PRKG1: variants seen among roughly 807,000 people sequenced by gnomAD.
The protein encoded by PRKG1 is protein kinase cGMP-dependent 1, also known as cGMP-dependent protein kinase 1.
Under a neutral mutation model 88.1 loss-of-function variants are expected in PRKG1, and 35 were observed. That is an observed-to-expected ratio of 0.40 (90% CI 0.30 to 0.53). The LOEUF (loss-of-function observed/expected upper bound fraction) is 0.53. Among genes scored for constraint, PRKG1 ranks in the 20% least tolerant of loss-of-function variants. The probability of loss-of-function intolerance (pLI) is 0.59; values close to 1 mark genes in which losing one functional copy is unlikely to be tolerated. For missense variants in PRKG1, 540 were observed against 839.8 expected (o/e 0.64, Z 4.41); for synonymous variants, 303 against 292.5 (o/e 1.04, Z -0.37).
At chr10:52,105,617 C>G (rs1193831548) in intron 7 of PRKG1, among the ~76,000 whole-genome samples, 3 of 151,354 alleles carry the variant, frequency 2.0e-5, no homozygotes, top group Non-Finnish European at 4.4e-5. Flanking sequence ...AAGTTAATAC[C>G]TTTTTAGTTT....
At chr10:51,848,203 A>C (rs901215696) in intron 4 of PRKG1, among the ~76,000 whole-genome samples, 9 of 152,188 alleles carry the variant, frequency 5.9e-5, no homozygotes, top group Admixed American at 5.9e-4. Context: ...TGCAAGTTGG[A>C]TATTTTTATT....
chr10:51,935,935 A>T (rs1026900668), intron 5 of PRKG1, among the ~76,000 whole-genome samples: 9 of 152,068 alleles, frequency 5.9e-5, no homozygotes, highest in African/African-American at 2.2e-4. Context: ...ATTTCTGAAG[A>T]CAGCCTTATG....
At chr10:51,845,349 G>A (rs1457909641) in intron 4 of PRKG1, among the ~76,000 whole-genome samples, 1 of 151,926 alleles carries the variant, frequency 6.6e-6, no homozygotes, top group Non-Finnish European at 1.5e-5. Context: ...TTACTCTATT[G>A]AAAAGTCTCT....
At chr10:51,011,862 T>C (rs938431252) in intron 1 of PRKG1, among the ~76,000 whole-genome samples, 5 of 152,156 alleles carry the variant, frequency 3.3e-5, no homozygotes, top group Non-Finnish European at 5.9e-5. Flanking sequence ...TTGGGTAACT[T>C]ATAAGAAAAA....
At chr10:51,650,014 C>T (rs1466200506) in intron 3 of PRKG1, among the ~76,000 whole-genome samples, 3 of 152,120 alleles carry the variant, frequency 2.0e-5, no homozygotes, top group Non-Finnish European at 4.4e-5. Flanking sequence ...GGTGCCGGCC[C>T]GAGAGTCACC....
At chr10:51,046,967 G>A (rs896835972) in intron 1 of PRKG1, among the ~76,000 whole-genome samples, 3 of 152,188 alleles carry the variant, frequency 2.0e-5, no homozygotes, top group East Asian at 1.9e-4. Context: ...GAACACAACC[G>A]GAAATATCCA....
chr10:51,616,671 G>A (rs1839064289), intron 3 of PRKG1, among the ~76,000 whole-genome samples: 1 of 152,150 alleles, frequency 6.6e-6, no homozygotes, highest in Non-Finnish European at 1.5e-5. Flanking sequence ...TCAGGCCTCT[G>A]GGTGGTGTGT....
chr10:51,045,486 C>G (rs544877242), intron 1 of PRKG1, among the ~76,000 whole-genome samples: 2 of 152,198 alleles, frequency 1.3e-5, no homozygotes, highest in South Asian at 2.1e-4. Context: ...CCACACCCAG[C>G]TAATTCTTTT....
intron 9 of PRKG1, among the ~76,000 whole-genome samples, chr10:52,188,225 CATATGTATATATAT>C: frequency 4.8e-5 from 1 of 20,964 alleles, no homozygotes; most frequent in South Asian, 2.1e-3. Flanking sequence ...TATATATATA[CATATGTATATATAT>C]ACATATATAT....
chr10:51,981,521 G>T (rs1030615752), intron 5 of PRKG1, among the ~76,000 whole-genome samples: 1 of 152,098 alleles, frequency 6.6e-6, no homozygotes, highest in Non-Finnish European at 1.5e-5. Context: ...GGGAGGCATA[G>T]GTTGGAGTTA....
rs545652534 is a variant in PRKG1, at chr10:51,502,613, A to G, written c.592+34777A>G. 1.1e-3 allele frequency among the ~76,000 whole-genome samples: 173 copies of G among 152,300 alleles called. 1 individual carries two copies. Among genetic ancestry groups the G allele is most frequent in the African/African-American group, 3.8e-3 (156 of 41,582 alleles). ...AGTGGTGTAACCTTGGGTGAAACAT[A>G]TAAGCACTCTGAGCTTTAATTCCTT... On this transcript the variant is annotated intron_variant, in intron 3 of 17. Transcript: ENST00000373980.
intron 8 of PRKG1, among the ~76,000 whole-genome samples, chr10:52,137,335 C>T (rs577396090): frequency 5.3e-5 from 8 of 152,002 alleles, no homozygotes; most frequent in Admixed American, 2.0e-4. Context: ...TAAGTACCTG[C>T]AGTGATGTCA....
At chr10:51,558,641 C>T (rs1837375751) in intron 3 of PRKG1, among the ~76,000 whole-genome samples, 1 of 151,970 alleles carries the variant, frequency 6.6e-6, no homozygotes, top group South Asian at 2.1e-4. Flanking sequence ...TAAAAATACT[C>T]AGTGATAAAT....
chr10:51,370,790 GT>G (rs998629658), intron 2 of PRKG1, among the ~76,000 whole-genome samples: 3 of 151,688 alleles, frequency 2.0e-5, no homozygotes, highest in African/African-American at 4.8e-5. Context: ...TTTACATGAG[GT>G]TTTTTTTCAC....
In PRKG1 at chr10:52,272,471, C is replaced by T. The variant is rs1841755745; in HGVS notation, c.1393C>T (p.Leu465Phe). ...TCTAGGTGGAGAGCTCTGGACCATT[C>T]TCAGGGATAGGTAGGAGATTTAAGA... Reference protein sequence around the residue: ...ACLGGELWTILRDRGSFEDST... With the variant: ...ACLGGELWTIFRDRGSFEDST... Residue 465 changes from leucine to phenylalanine, a missense_variant, in exon 12 of 18, where the codon CTC (leucine) becomes TTC (phenylalanine). Physicochemically the swap from Leu to Phe is conservative, Grantham distance 22 (BLOSUM62 0). Transcript: ENST00000373980. The T allele has an allele frequency of 6.2e-7, 1 of 1,604,542 alleles. No individual in the cohort carries two copies. Among genetic ancestry groups the T allele is most frequent in the Middle Eastern group, 1.7e-4 (1 of 6,034 alleles).
chr10:51,026,777 G>A (rs929903357), intron 1 of PRKG1, among the ~76,000 whole-genome samples: 1 of 152,136 alleles, frequency 6.6e-6, no homozygotes, highest in African/African-American at 2.4e-5. Flanking sequence ...TAGGGTGGAG[G>A]AAAAGGCAGA....
chr10:51,145,982 C>G (rs891181286), intron 1 of PRKG1, among the ~76,000 whole-genome samples: 4 of 152,094 alleles, frequency 2.6e-5, no homozygotes, highest in Admixed American at 2.6e-4. Context: ...TCCTGGCTAA[C>G]ATGGTGAAAC....
chr10:52,123,878 G>GA (rs1436961996), intron 7 of PRKG1, among the ~76,000 whole-genome samples: 1 of 152,018 alleles, frequency 6.6e-6, no homozygotes, highest in Non-Finnish European at 1.5e-5. Flanking sequence ...TCCAGACACT[G>GA]AATGATGTGG....
intron 4 of PRKG1, among the ~76,000 whole-genome samples, chr10:51,843,728 T>C (rs1449591126): frequency 1.3e-5 from 2 of 152,164 alleles, no homozygotes; most frequent in African/African-American, 2.4e-5. Flanking sequence ...GTGATCCTAC[T>C]TGGATTTTTA....
Sources: gnomAD v4.1 joint callset for allele counts (sites outside exome capture counted in the v4.1 genomes callset) on GRCh38, gnomAD v4.1.1 for gene constraint, MANE v1.5 for transcripts, NCBI Gene and HGNC (gene_info 2026-07-23, HGNC 2026-07-21) for gene names.